PCBD2: variants seen among roughly 807,000 people sequenced by gnomAD.
PCBD2 encodes the protein pterin-4 alpha-carbinolamine dehydratase 2, also known as pterin-4-alpha-carbinolamine dehydratase 2.
A neutral mutation model predicts 16.4 loss-of-function variants in PCBD2; 12 were observed. The ratio of observed to expected loss-of-function variants is 0.73; its 90% confidence interval spans 0.47 to 1.19. The LOEUF is 1.19. Among genes scored for constraint, PCBD2 ranks in the 50% most tolerant of loss-of-function variants. PCBD2 has a pLI of 0.00. For missense variants in PCBD2, 138 were observed against 156.8 expected (o/e 0.88, Z 0.64); for synonymous variants, 58 against 61.8 (o/e 0.94, Z 0.29).
At chr5:134,914,746 A>G (rs1447929259) in intron 2 of PCBD2, among the ~76,000 whole-genome samples, 1 of 151,520 alleles carries the variant, frequency 6.6e-6, no homozygotes, top group Non-Finnish European at 1.5e-5. Flanking sequence ...ATCTTGGCTC[A>G]CTGCAACCTC....
chr5:134,947,876 A>G (rs974033615), intron 2 of PCBD2, among the ~76,000 whole-genome samples: 8 of 152,170 alleles, frequency 5.3e-5, no homozygotes, highest in Admixed American at 2.0e-4. Context: ...AACAAAACTA[A>G]CTAAACTTTG....
In PCBD2 at chr5:134,956,238, A is replaced by C. The variant is rs149795856; in HGVS notation, c.217-2802A>C. Reference sequence around the variant, plus strand: ...TATTATGTGACAGTTGAAGGGAAATATGCAAAGCTGAGAAAAATACAAATT... The same window carrying C: ...TATTATGTGACAGTTGAAGGGAAATCTGCAAAGCTGAGAAAAATACAAATT... On this transcript the variant is annotated intron_variant, in intron 2 of 3. Coordinates refer to ENST00000254908, the MANE Select transcript of PCBD2 (RefSeq NM_032151.5). Among the ~76,000 whole-genome samples the C allele has an allele frequency of 9.6e-4, 143 of 148,642 alleles. No homozygotes were observed. The East Asian group carries it at 0.026, about 27-fold the overall frequency.
chr5:134,940,431 A>ATTT (rs775428469), intron 2 of PCBD2, among the ~76,000 whole-genome samples: 17 of 149,042 alleles, frequency 1.1e-4, no homozygotes, highest in Non-Finnish European at 2.4e-4. Flanking sequence ...TGCAGCATAT[A>ATTT]TATTTTTTTT....
chr5:134,952,815 A>C (rs897803505), intron 2 of PCBD2, among the ~76,000 whole-genome samples: 1 of 152,128 alleles, frequency 6.6e-6, no homozygotes, highest in Non-Finnish European at 1.5e-5. Flanking sequence ...CTTAAAAAAA[A>C]AAAAAAAAGT....
chr5:134,912,812 C>T (rs1750784261), intron 2 of PCBD2, among the ~76,000 whole-genome samples: 1 of 152,150 alleles, frequency 6.6e-6, no homozygotes, highest in African/African-American at 2.4e-5. Flanking sequence ...CAGGCCAGCG[C>T]CCAGGTGTCA....
chr5:134,921,500 T>C (rs1580880943), intron 2 of PCBD2, among the ~76,000 whole-genome samples: 1 of 152,070 alleles, frequency 6.6e-6, no homozygotes, highest in East Asian at 1.9e-4. Context: ...GTCTGCAGTG[T>C]GTTGGGAAAT....
At chr5:134,927,776 T>C (rs1214840710) in intron 2 of PCBD2, 2 of 396,568 alleles carry the variant, frequency 5.0e-6, no homozygotes, top group Non-Finnish European at 8.9e-6. Flanking sequence ...GTGATAGTGG[T>C]TCATTGGATA....
intron 2 of PCBD2, among the ~76,000 whole-genome samples, chr5:134,950,636 G>A (rs62380035): frequency 6.6e-6 from 1 of 152,166 alleles, no homozygotes; most frequent in African/African-American, 2.4e-5. Flanking sequence ...TTTAATTGCT[G>A]ATGGTTTGGA....
chr5:134,958,846 A>G (rs538309879), intron 2 of PCBD2, among the ~76,000 whole-genome samples, 194 bp from the exon 3 acceptor site: 16 of 152,274 alleles, frequency 1.1e-4, no homozygotes, highest in Non-Finnish European at 5.9e-5. Flanking sequence ...GTTTTTCACC[A>G]TCCAGCAGTA....
intron 2 of PCBD2, among the ~76,000 whole-genome samples, chr5:134,951,191 C>G (rs1751355417): frequency 6.6e-6 from 1 of 152,172 alleles, no homozygotes; most frequent in South Asian, 2.1e-4. Context: ...ACCATTGCTC[C>G]CATCATTCTT....
intron 2 of PCBD2, among the ~76,000 whole-genome samples, chr5:134,934,804 G>C (rs1001503321): frequency 3.3e-5 from 5 of 152,112 alleles, no homozygotes; most frequent in African/African-American, 1.2e-4. Flanking sequence ...GCCAGATGCG[G>C]CTCATATATT....
At chr5:134,914,920 G>A (rs1273297111) in intron 2 of PCBD2, among the ~76,000 whole-genome samples, 3 of 152,108 alleles carry the variant, frequency 2.0e-5, no homozygotes, top group Admixed American at 6.5e-5. Flanking sequence ...TGATCTGCCC[G>A]CCTCGGCCTA....
intron 2 of PCBD2, among the ~76,000 whole-genome samples, chr5:134,956,925 T>C (rs1392531371): frequency 6.6e-6 from 1 of 152,242 alleles, no homozygotes; most frequent in African/African-American, 2.4e-5. Flanking sequence ...TTTATTAGAA[T>C]GTAATCACAT....
At chr5:134,905,256 C>T (rs928995862) in intron 1 of PCBD2, 33 bp downstream of exon 1, 59 of 1,114,300 alleles carry the variant, frequency 5.3e-5, no homozygotes, top group Middle Eastern at 3.4e-4. Context: ...GGTGGGGGTC[C>T]GGGGTCGGGG....
chr5:134,914,400 T>C (rs1750802702), intron 2 of PCBD2, among the ~76,000 whole-genome samples: 1 of 152,210 alleles, frequency 6.6e-6, no homozygotes, highest in African/African-American at 2.4e-5. Context: ...CAGTTCTCAG[T>C]GTCACTACAG....
chr5:134,929,191 A>T (rs1404997527), intron 2 of PCBD2, among the ~76,000 whole-genome samples: 25 of 152,044 alleles, frequency 1.6e-4, no homozygotes. Flanking sequence ...AAGATTTGTT[A>T]GATAAATGGA....
At chr5:134,934,823 C>T (rs1025992365) in intron 2 of PCBD2, among the ~76,000 whole-genome samples, 1 of 152,110 alleles carries the variant, frequency 6.6e-6, no homozygotes, top group Non-Finnish European at 1.5e-5. Context: ...TTAAAAGTAG[C>T]ACCTGTGGCT....
chr5:134,959,803 A>ATTTTGC (rs1241183599), intron 3 of PCBD2, among the ~76,000 whole-genome samples: 2 of 149,150 alleles, frequency 1.3e-5, no homozygotes, highest in African/African-American at 5.0e-5. Flanking sequence ...TTTGCTCGTA[A>ATTTTGC]TTTTGCTTTT....
intron 2 of PCBD2, among the ~76,000 whole-genome samples, chr5:134,937,867 G>A (rs971209488): frequency 3.9e-5 from 6 of 152,208 alleles, no homozygotes; most frequent in Non-Finnish European, 7.3e-5. Flanking sequence ...GCAAGCGTAA[G>A]TCTTCATTTG....
Sources: gnomAD v4.1 joint callset for allele counts (sites outside exome capture counted in the v4.1 genomes callset) on GRCh38, gnomAD v4.1.1 for gene constraint, MANE v1.5 for transcripts, NCBI Gene and HGNC (gene_info 2026-07-23, HGNC 2026-07-21) for gene names.